Variants in CFAP61 observed in about 807,000 individuals in gnomAD.
CFAP61 encodes the protein cilia and flagella associated protein 61, also known as cilia- and flagella-associated protein 61.
A neutral mutation model predicts 135.6 loss-of-function variants in CFAP61; 107 were observed. That is an observed-to-expected ratio of 0.79 (90% CI 0.67 to 0.93). The LOEUF is 0.93. Among genes scored for constraint, CFAP61 ranks in the 40% least tolerant of loss-of-function variants. The pLI is 0.00. For missense variants in CFAP61, 1,507 were observed against 1,556.2 expected, an observed-to-expected ratio of 0.97 and a Z score of 0.53; for synonymous variants, 575 against 578.5, an observed-to-expected ratio of 0.99 and a Z score of 0.09.
At chr20:20,242,405 C>T (rs1042872686) in intron 18 of CFAP61, among the ~76,000 whole-genome samples, 2 of 152,220 alleles carry the variant, frequency 1.3e-5, no homozygotes, top group African/African-American at 2.4e-5. Context: ...TGGGCAAACA[C>T]GGAGTGAGCC....
intron 2 of CFAP61, among the ~76,000 whole-genome samples, chr20:20,067,435 A>G (rs1490901189): frequency 2.0e-5 from 3 of 151,884 alleles, no homozygotes; most frequent in South Asian, 2.1e-4. Flanking sequence ...AAAGTAAAAG[A>G]GATCGAGACC....
intron 25 of CFAP61, among the ~76,000 whole-genome samples, chr20:20,338,415 T>A (rs956829127): frequency 1.3e-5 from 2 of 151,446 alleles, no homozygotes; most frequent in South Asian, 2.1e-4. Context: ...AAGTAGACAC[T>A]TTTTTTTCAT....
At chr20:20,261,881 T>C (rs1224743207) in intron 20 of CFAP61, among the ~76,000 whole-genome samples, 3 of 152,160 alleles carry the variant, frequency 2.0e-5, no homozygotes, top group Non-Finnish European at 4.4e-5. Flanking sequence ...ATTGTGTTTT[T>C]ACTGTTACTT....
intron 25 of CFAP61, 47 bp downstream of exon 25, chr20:20,298,433 A>G (rs1426930528): frequency 6.7e-7 from 1 of 1,502,522 alleles, no homozygotes. Context: ...AAATATATAT[A>G]TAATGTCTGT....
intron 24 of CFAP61, among the ~76,000 whole-genome samples, chr20:20,296,291 CTCCTTCCCTTCCTTCCTTCCTTCCCTCCT>C (rs1424050529): frequency 6.2e-4 from 29 of 47,044 alleles, no homozygotes; most frequent in Middle Eastern, 0.014. Flanking sequence ...CATCCCTTCC[CTCCTTCCCTTCCTTCCTTCCTTCCCTCCT>C]TCCTTCCCTT....
intron 6 of CFAP61, among the ~76,000 whole-genome samples, chr20:20,088,597 G>A (rs1236052156): frequency 6.6e-6 from 1 of 152,096 alleles, no homozygotes; most frequent in South Asian, 2.1e-4. Context: ...CCCATGACAT[G>A]TGGGGATTAT....
chr20:20,346,794 A>T (rs1162986462), intron 26 of CFAP61, among the ~76,000 whole-genome samples: 1 of 152,254 alleles, frequency 6.6e-6, no homozygotes, highest in Non-Finnish European at 1.5e-5. Flanking sequence ...AAGAAGAAAT[A>T]GTTCTAAAAC....
intron 19 of CFAP61, among the ~76,000 whole-genome samples, chr20:20,248,783 G>A (rs2050660857): frequency 6.6e-6 from 1 of 152,124 alleles, no homozygotes; most frequent in African/African-American, 2.4e-5. Flanking sequence ...CTGCACACCT[G>A]GAGCTTTGGA....
Position 20,075,488 on chromosome 20 carries a change from G to C in CFAP61, c.440-1G>C. ...CATGTTTCTTTATCTCTGTGATTTAGGCTCAACTCTCATAACTGTTTTTGA... is the reference window on the plus strand; with the variant it reads ...CATGTTTCTTTATCTCTGTGATTTACGCTCAACTCTCATAACTGTTTTTGA... On this transcript the variant is annotated splice_acceptor_variant, in intron 5 of 26. Transcript: ENST00000245957. LOFTEE classifies it high-confidence loss of function. 1 of 1,613,924 alleles carries C rather than the reference G, an allele frequency of 6.2e-7. No homozygotes were observed.
At position 20,055,201 on chromosome 20, in the gene CFAP61, A is replaced by G. The variant is rs557621024; in HGVS notation, c.-36-1417A>G. Among the ~76,000 whole-genome samples the G allele has an allele frequency of 2.6e-5, 4 of 151,766 alleles. No homozygotes were observed. The South Asian group carries it at 8.4e-4, about 32-fold the overall frequency. On this transcript the variant is annotated intron_variant, in intron 1 of 26. Coordinates refer to ENST00000245957, the MANE Select transcript of CFAP61 (RefSeq NM_015585.4). ...TCATGACTTTTGTTTCTCTTTCTATATTTCTTTATTATAAACATACTTAGT... is the reference window on the plus strand; with the variant it reads ...TCATGACTTTTGTTTCTCTTTCTATGTTTCTTTATTATAAACATACTTAGT...
chr20:20,355,648 C>G (rs2059087615), intron 26 of CFAP61, among the ~76,000 whole-genome samples: 2 of 142,256 alleles, frequency 1.4e-5, no homozygotes, highest in South Asian at 2.3e-4. Context: ...GGGAGGTAGT[C>G]ACACTGTGAG....
chr20:20,298,246 T>C lies in CFAP61; in HGVS notation c.3282T>C (p.Tyr1094=). 6.2e-7 allele frequency: 1 copy of C among 1,614,104 alleles called. No homozygotes were observed. Among genetic ancestry groups the C allele is most frequent in the Non-Finnish European group, 8.5e-7 (1 of 1,180,002 alleles). ...GTYFRIHINK[Y]KMVETITCLS... is the part of the protein sequence containing the mutation. ...ACTTCCGAATTCATATTAACAAGTA[T>C]AAAATGGTGGAAACCATCACGTGCC... The change falls in exon 25 of 27, where the codon TAT becomes TAC. Residue 1094 remains tyrosine (Y), a synonymous_variant. Transcript: ENST00000245957.
chr20:20,263,143 G>GT lies in CFAP61; in HGVS notation c.2503+14dup, dbSNP rs1463652898. ...ATCACCACAGAAGGTAAGGATGTCG[G>GT]TAACTGTGCATCTCTTCAGAATAGC... is the stretch of plus-strand genomic sequence containing the variant. On this transcript the variant is annotated intron_variant, in intron 21 of 26. Transcript: ENST00000245957. 103 of 1,600,642 alleles carry GT rather than the reference G, an allele frequency of 6.4e-5. No individual in the cohort carries two copies. The highest frequency in any genetic ancestry group is 8.6e-5 in the Non-Finnish European group (101 of 1,170,810).
At chr20:20,172,861 C>T (rs982365846) in intron 13 of CFAP61, among the ~76,000 whole-genome samples, 5 of 152,146 alleles carry the variant, frequency 3.3e-5, no homozygotes, top group Admixed American at 6.5e-5. Flanking sequence ...TTTGGACAAA[C>T]GTATAATGAC....
intron 6 of CFAP61, chr20:20,085,340 C>A: frequency 8.0e-7 from 1 of 1,249,662 alleles, no homozygotes; most frequent in Non-Finnish European, 1.0e-6. Context: ...CCATTTGAGA[C>A]TATGTGAGGC....
At chr20:20,343,911 G>C (rs984587425) in intron 26 of CFAP61, among the ~76,000 whole-genome samples, 1 of 152,170 alleles carries the variant, frequency 6.6e-6, no homozygotes, top group African/African-American at 2.4e-5. Flanking sequence ...ATTTGCTGTG[G>C]ACCCATTTAT....
chr20:20,101,962 A>T lies in CFAP61; in HGVS notation c.859+3148A>T, dbSNP rs571307060. Among the ~76,000 whole-genome samples, 6 of 152,280 alleles carry T rather than the reference A, an allele frequency of 3.9e-5. No individual in the cohort carries two copies. In the South Asian group the frequency reaches 1.2e-3, roughly 32 times the overall value. ...ACTTTAATAAGTTATTTAATGAATG[A>T]TCACTTCAGTGGGTGATCAGTGACC... On this transcript the variant is annotated intron_variant, in intron 8 of 26. Transcript: ENST00000245957.
At chr20:20,202,030 T>G (rs1248590682) in intron 17 of CFAP61, among the ~76,000 whole-genome samples, 1 of 142,080 alleles carries the variant, frequency 7.0e-6, no homozygotes, top group African/African-American at 2.6e-5. Flanking sequence ...GAGTTGGAGC[T>G]CTAGGTGGGG....
chr20:20,222,950 C>T (rs946465975), intron 17 of CFAP61, among the ~76,000 whole-genome samples: 4 of 152,148 alleles, frequency 2.6e-5, no homozygotes, highest in Non-Finnish European at 5.9e-5. Flanking sequence ...AGGCTTATTA[C>T]GGATTTCAGA....
Sources: gnomAD v4.1 joint callset for allele counts (sites outside exome capture counted in the v4.1 genomes callset) on GRCh38, gnomAD v4.1.1 for gene constraint, MANE v1.5 for transcripts, NCBI Gene and HGNC (gene_info 2026-07-23, HGNC 2026-07-21) for gene names.